The following DGKD variants were observed in gnomAD, a reference collection of about 807,000 sequenced individuals.
DGKD encodes DAG kinase delta.
Under a neutral mutation model 154.4 loss-of-function variants are expected in DGKD, and 68 were observed. The ratio of observed to expected loss-of-function variants is 0.44; its 90% CI spans 0.36 to 0.54. The LOEUF is 0.54. DGKD is among the 20% of genes least tolerant of loss of function. DGKD has a pLI of 0.00. For synonymous variants in DGKD, 693 were observed against 638.0 expected, an observed-to-expected ratio of 1.09 and a Z score of -1.30; for missense variants, 1,343 against 1,593.6, an observed-to-expected ratio of 0.84 and a Z score of 2.68.
intron 3 of DGKD, among the ~76,000 whole-genome samples, chr2:233,391,175 G>A (rs1339243409): frequency 6.6e-6 from 1 of 152,002 alleles, no homozygotes; most frequent in Non-Finnish European, 1.5e-5. Context: ...TAATATTTTG[G>A]TGTATTTCTT....
chr2:233,416,430 A>T (rs2061962161), intron 3 of DGKD, among the ~76,000 whole-genome samples: 1 of 152,104 alleles, frequency 6.6e-6, no homozygotes, highest in Non-Finnish European at 1.5e-5. Flanking sequence ...GCTCTGGGAA[A>T]TTGTATTGCT....
chr2:233,355,425 C>T (rs1701491664), intron 1 of DGKD, among the ~76,000 whole-genome samples: 1 of 152,234 alleles, frequency 6.6e-6, no homozygotes, highest in African/African-American at 2.4e-5. Context: ...TGAGCCCGCC[C>T]GGTTAGAACA....
intron 3 of DGKD, among the ~76,000 whole-genome samples, chr2:233,426,767 G>C (rs1219370377): frequency 1.3e-5 from 2 of 152,156 alleles, no homozygotes; most frequent in Non-Finnish European, 2.9e-5. Context: ...TGGAATTGCT[G>C]AGTCACAGGG....
chr2:233,380,420 A>G (rs1702828789), intron 1 of DGKD, among the ~76,000 whole-genome samples: 1 of 152,180 alleles, frequency 6.6e-6, no homozygotes, highest in African/African-American at 2.4e-5. Context: ...CACACTGGCT[A>G]CCTTGTGGCC....
chr2:233,432,979 T>C (rs2062579505), intron 3 of DGKD, among the ~76,000 whole-genome samples: 2 of 152,216 alleles, frequency 1.3e-5, no homozygotes, highest in African/African-American at 4.8e-5. Context: ...AAGGGAACCG[T>C]ACACTGCTGG....
chr2:233,372,117 G>C (rs1345382896), intron 1 of DGKD, among the ~76,000 whole-genome samples: 4 of 152,038 alleles, frequency 2.6e-5, no homozygotes, highest in Admixed American at 1.3e-4. Flanking sequence ...TACCTCCCGA[G>C]CTCAAGTGAT....
At position 233,457,625 on chromosome 2, in the gene DGKD, A is replaced by G; in HGVS notation, c.2580+297A>G. On this transcript the variant is annotated intron_variant, in intron 21 of 29. Transcript: ENST00000264057. The surrounding 1 kb of genome is among the most constrained non-coding windows in gnomAD (Gnocchi z 5.5). ...TGTCTGGGAGGCCAAGACCTGAAGG[A>G]TGAGTTGGAGTTGGCTAAGTTAGGT... 1 of 534,440 alleles carries G rather than the reference A, an allele frequency of 1.9e-6. No individual in the cohort carries two copies. The highest frequency in any genetic ancestry group is 3.6e-6 in the Non-Finnish European group (1 of 277,222). 33.1% of individuals were successfully genotyped at this position (534,440 alleles called of 1,614,324 possible).
chr2:233,459,652 C>A lies in DGKD; in HGVS notation c.2695-105C>A. The A allele has an allele frequency of 6.9e-7, 1 of 1,457,532 alleles. No homozygotes were observed. Among genetic ancestry groups the A allele is most frequent in the Non-Finnish European group, 9.2e-7 (1 of 1,083,516 alleles). 90.3% of individuals were successfully genotyped at this position (1,457,532 alleles called of 1,614,324 possible). ...GGCAGAGGTGGGGTGTCCTGCAAGG[C>A]AGGGACGGGTGTGTGGAGCAGGAAG... On this transcript the variant is annotated intron_variant, in intron 22 of 29. Transcript: ENST00000264057. This position sits in a 1 kb window ranked among gnomAD's most constrained non-coding sequence, Gnocchi z 5.7.
chr2:233,394,690 C>CT lies in DGKD; in HGVS notation c.348+4207_348+4208insT, dbSNP rs1703879704. The stretch of plus-strand genomic sequence containing the variant: ...TTCCTTATTATTTTGAATTTAATTC[C>CT]CTTTTTTTTTTTTTTTTTTTTTTTT... On this transcript the variant is annotated intron_variant, in intron 3 of 29. Coordinates refer to ENST00000264057, the MANE Select transcript of DGKD (RefSeq NM_152879.3). 2.7e-3 allele frequency among the ~76,000 whole-genome samples: 228 copies of CT among 83,228 alleles called. 16 individuals carry two copies. Among genetic ancestry groups the CT allele is most frequent in the African/African-American group, 6.0e-3 (135 of 22,672 alleles). The allele number at this position is 83,228 out of a possible 152,430, so 54.6% of individuals were successfully genotyped here.
intron 3 of DGKD, among the ~76,000 whole-genome samples, chr2:233,399,678 A>G (rs1416468167): frequency 6.6e-6 from 1 of 152,146 alleles, no homozygotes; most frequent in Non-Finnish European, 1.5e-5. Context: ...AGCTGTGGGA[A>G]GCCATTAAGA....
chr2:233,357,752 G>C (rs1701596812), intron 1 of DGKD, among the ~76,000 whole-genome samples: 3 of 151,866 alleles, frequency 2.0e-5, no homozygotes, highest in Admixed American at 2.0e-4. Flanking sequence ...CCCCAGGCTG[G>C]TCTCAAACTC....
At chr2:233,360,324 G>T (rs1451630522) in intron 1 of DGKD, among the ~76,000 whole-genome samples, 1 of 151,958 alleles carries the variant, frequency 6.6e-6, no homozygotes, top group Non-Finnish European at 1.5e-5. Context: ...GAGTGCAGTG[G>T]CATACTGCAG....
chr2:233,391,698 C>G (rs1575026764), intron 3 of DGKD, among the ~76,000 whole-genome samples: 1 of 152,152 alleles, frequency 6.6e-6, no homozygotes, highest in African/African-American at 2.4e-5. Flanking sequence ...TAATTTTCCT[C>G]AAGTTTAGGA....
rs1222342670 is a variant in DGKD at position 233,397,384 on chromosome 2, C to T, written c.348+6901C>T. On this transcript the variant is annotated intron_variant, in intron 3 of 29. Coordinates refer to ENST00000264057, the MANE Select transcript of DGKD (RefSeq NM_152879.3). ...CAGAGTGAGAGGACTCCAGAGGGGA[C>T]CAGGGTGGCTGGCAGAGGCCAGAGT... Among the ~76,000 whole-genome samples, 3 of 108,262 alleles carry T rather than the reference C, an allele frequency of 2.8e-5. No homozygotes were observed. The East Asian group carries it at 8.7e-4, about 32-fold the overall frequency. The allele number at this position is 108,262 out of a possible 152,430, so 71.0% of individuals were successfully genotyped here.
intron 3 of DGKD, among the ~76,000 whole-genome samples, chr2:233,397,018 G>C (rs1404884615): frequency 6.7e-5 from 1 of 14,840 alleles, no homozygotes; most frequent in Non-Finnish European, 1.2e-4. Flanking sequence ...AGGGTGGCTG[G>C]GGGGGGGGGC....
At chr2:233,388,483 G>GC (rs1252601172) in intron 2 of DGKD, 116 bp downstream of exon 2, 2 of 992,070 alleles carry the variant, frequency 2.0e-6, no homozygotes, top group African/African-American at 1.6e-5. Context: ...ATCTGTTATT[G>GC]CCAGTGAGTT....
intron 3 of DGKD, among the ~76,000 whole-genome samples, chr2:233,397,158 CGG>C (rs1181508009): frequency 3.5e-5 from 1 of 28,672 alleles, no homozygotes; most frequent in Admixed American, 3.7e-4. Flanking sequence ...AGGGTGGCTG[CGG>C]GGGGGGCCAG....
At chr2:233,426,980 G>A (rs562030657) in intron 3 of DGKD, among the ~76,000 whole-genome samples, 1 of 152,234 alleles carries the variant, frequency 6.6e-6, no homozygotes, top group South Asian at 2.1e-4. Context: ...CAAGTCTTTC[G>A]TCCATTTTAC....
At chr2:233,442,108 C>G (rs1239067004) in intron 10 of DGKD, 113 bp downstream of exon 10, 2 of 1,014,652 alleles carry the variant, frequency 2.0e-6, no homozygotes, top group Admixed American at 3.9e-5. Flanking sequence ...AGGCCAGAAA[C>G]CATTGGTGGT....
Sources: gnomAD v4.1 joint callset for allele counts (sites outside exome capture counted in the v4.1 genomes callset) on GRCh38, gnomAD v4.1.1 for gene constraint, Gnocchi (gnomAD v3.1) non-coding constraint, MANE v1.5 for transcripts, NCBI Gene and HGNC (gene_info 2026-07-23, HGNC 2026-07-21) for gene names.